TTN: variants seen among roughly 807,000 people sequenced by gnomAD.
TTN encodes the protein connectin.
TTN carries 1,525 observed loss-of-function variants against 3,223.0 expected under a neutral mutation model. The observed-to-expected ratio is 0.47, with a 90% confidence interval of 0.45 to 0.49. The LOEUF (loss-of-function observed/expected upper bound fraction) is 0.49, where lower values mean the gene tolerates loss of function less well. TTN is among the 20% of genes least tolerant of loss of function. The pLI, the probability that TTN is intolerant of heterozygous loss-of-function variation, is 0.00. For missense variants in TTN, 40,786 were observed against 43,424.0 expected (o/e 0.94, Z 5.40); for synonymous variants, 14,094 against 15,161.0 (o/e 0.93, Z 5.17).
Position 178,611,033 on chromosome 2 carries a change from C to A in TTN, c.51096G>T (p.Lys17032Asn), listed in dbSNP as rs777424760. 1.2e-6 allele frequency: 2 copies of A among 1,612,656 alleles called. No homozygotes were observed. Among genetic ancestry groups the A allele is most frequent in the Non-Finnish European group, 1.7e-6 (2 of 1,179,116 alleles). Residue 17032 changes from lysine (K) to asparagine (N), a missense_variant, in exon 270 of 363, where the codon AAG becomes AAT. Transcript: ENST00000589042. ...TGATTGAGGCTGTTGCTGAGCCGAGCTTATTCTCCAGTGTAATGGTATAAA... is the reference window on the plus strand; with the variant it reads ...TGATTGAGGCTGTTGCTGAGCCGAGATTATTCTCCAGTGTAATGGTATAAA... ...AGIYTITLEN[K>N]LGSATASINV...
At chr2:178,638,483 C>T (rs1365203746) in intron 223 of TTN, among the ~76,000 whole-genome samples, 1 of 150,520 alleles carries the variant, frequency 6.6e-6, no homozygotes, top group Non-Finnish European at 1.5e-5. Flanking sequence ...CTCTGTCAAA[C>T]TATTATGGAC....
In TTN at chr2:178,790,707, C is replaced by T. The variant is rs397517497; in HGVS notation, c.1800+1G>A. Reference sequence around the variant, plus strand: ...CTTTCACATTGGCAGGAAGTCATCACCTTTTCATAACTTAGGTGCATTTGA... The same window carrying T: ...CTTTCACATTGGCAGGAAGTCATCATCTTTTCATAACTTAGGTGCATTTGA... On this transcript the variant is annotated splice_donor_variant, in intron 11 of 362. Transcript: ENST00000589042. LOFTEE classifies it high-confidence loss of function. The T allele has an allele frequency of 2.1e-5, 34 of 1,614,086 alleles. No homozygotes were observed. The East Asian group carries it at 4.2e-4, about 20-fold the overall frequency.
Position 178,664,872 on chromosome 2 carries a change from CTTT to C in TTN, c.36095_36097del (p.Lys12032del). Reference sequence around the variant, plus strand: ...TGTACCTTTAACTGATGGGGGTTCTCTTTTTTTGGAAGGAACTGTCTTGGCAGG... The same window carrying C: ...TGTACCTTTAACTGATGGGGGTTCTCTTTTGGAAGGAACTGTCTTGGCAGG... On this transcript the variant is annotated inframe_deletion, in exon 166 of 363. Transcript: ENST00000589042. 3.7e-6 allele frequency: 6 copies of C among 1,611,328 alleles called. No individual in the cohort carries two copies. The highest frequency in any genetic ancestry group is 4.2e-6 in the Non-Finnish European group (5 of 1,179,490).
chr2:178,731,464 C>T lies in TTN; in HGVS notation c.17302G>A (p.Asp5768Asn), dbSNP rs576904726. 6.3e-5 allele frequency: 102 copies of T among 1,613,726 alleles called. No homozygotes were observed. The highest frequency in any genetic ancestry group is 1.3e-4 in the East Asian group (6 of 44,828). Reference sequence around the variant, plus strand: ...ATATTATCGTCTTCAGTGATTTCATCGCTGTCTTTTAGCCAAGTCACCGTA... The same window carrying T: ...ATATTATCGTCTTCAGTGATTTCATTGCTGTCTTTTAGCCAAGTCACCGTA... ...PITVTWLKDS[D>N]EITEDDNIRM... The change falls in exon 59 of 363, where the codon GAT (aspartate) becomes AAT (asparagine). Residue 5768 changes from aspartate (D) to asparagine (N), a missense_variant. Physicochemically the swap from Asp to Asn is conservative, Grantham distance 23 (BLOSUM62 1). Transcript: ENST00000589042.
chr2:178,530,296 GC>G lies in TTN; in HGVS notation c.106318del (p.Ala35440GlnfsTer38). ...TVSSDSVAKF[A>X]VKATGEPRPT... The stretch of plus-strand genomic sequence containing the variant: ...CCGGGGTTCTCCAGTAGCCTTAACT[GC>G]AAATTTAGCAACACTGTCTGAAGAA... On this transcript the variant is annotated frameshift_variant, in exon 358 of 363. Coordinates refer to ENST00000589042, the MANE Select transcript of TTN (RefSeq NM_001267550.2). LOFTEE classifies it high-confidence loss of function. The G allele has an allele frequency of 6.2e-7, 1 of 1,613,248 alleles. No homozygotes were observed. The highest frequency in any genetic ancestry group is 2.2e-5 in the East Asian group (1 of 44,862).
Position 178,582,313 on chromosome 2 carries a change from A to T in TTN, c.66143T>A (p.Ile22048Asn). The T allele has an allele frequency of 6.3e-7, 1 of 1,585,682 alleles. No individual in the cohort carries two copies. The highest frequency in any genetic ancestry group is 1.2e-5 in the South Asian group (1 of 85,900). ...GTTCCTACCATATGGGTTTTTGGCAATTGCTGGTTCAGTGAAGACTGGATC... is the reference window on the plus strand; with the variant it reads ...GTTCCTACCATATGGGTTTTTGGCATTTGCTGGTTCAGTGAAGACTGGATC... ...VGDPVFTEPA[I>N]AKNPYDPPGR... is the part of the protein sequence containing the mutation. Residue 22048 changes from isoleucine to asparagine, a missense_variant, in exon 314 of 363, where the codon ATT becomes AAT. Transcript: ENST00000589042.
intron 88 of TTN, 135 bp downstream of exon 88, chr2:178,716,960 C>T: frequency 1.0e-6 from 1 of 968,164 alleles, no homozygotes. Flanking sequence ...TTTGGAAGGT[C>T]CTTGATCCAC....
intron 113 of TTN, 103 bp downstream of exon 113, chr2:178,697,018 A>G: frequency 9.4e-7 from 1 of 1,067,418 alleles, no homozygotes; most frequent in Non-Finnish European, 1.4e-6. Flanking sequence ...AGGAGACTCC[A>G]CAACTTTCAA....
rs2057146853 is a variant in TTN at position 178,615,393 on chromosome 2, A to C, written c.48552T>G (p.Gly16184=). ...CAACTATATATCCTTTGATGCGTGA[A>C]CCACCATCATTTTTAGGTGGATCCC... The part of the protein sequence containing the change: ...LTWDPPKNDG[G]SRIKGYIVER... Residue 16184 remains glycine, a synonymous_variant, in exon 259 of 363, where the codon GGT becomes GGG. Transcript: ENST00000589042. 3 of 1,612,484 alleles carry C rather than the reference A, an allele frequency of 1.9e-6. No homozygotes were observed. The highest frequency in any genetic ancestry group is 1.3e-5 in the African/African-American group (1 of 74,774).
chr2:178,789,623 A>C, intron 12 of TTN, 126 bp from the exon 13 acceptor site: 1 of 1,293,444 alleles, frequency 7.7e-7, no homozygotes, highest in Non-Finnish European at 1.1e-6. Flanking sequence ...AGAGAAATAA[A>C]CTTTCACCGG....
Position 178,611,446 on chromosome 2 carries a change from ACT to A in TTN, c.50781_50782del (p.Arg16927SerfsTer14). On this transcript the variant is annotated frameshift_variant, in exon 269 of 363. Transcript: ENST00000589042. LOFTEE classifies it high-confidence loss of function. Reference sequence around the variant, plus strand: ...GACACCAATAGCATTGACTGCTCTCACTCTCAGGACATATTCTTTGTCAGGAA... The same window carrying A: ...GACACCAATAGCATTGACTGCTCTCACTCAGGACATATTCTTTGTCAGGAA... The A allele has an allele frequency of 1.2e-6, 2 of 1,612,854 alleles. No homozygotes were observed. The highest frequency in any genetic ancestry group is 1.7e-6 in the Non-Finnish European group (2 of 1,179,294).
chr2:178,639,798 G>A lies in TTN; in HGVS notation c.40787-10C>T, dbSNP rs778060283. On this transcript the variant is annotated splice_polypyrimidine_tract_variant and intron_variant, in intron 222 of 362. Transcript: ENST00000589042. ...TTGATTGTTTTCACTTCTGTAGAGA[G>A]AAGTCCATTGCATTAGTGTATCAAT... is the stretch of plus-strand genomic sequence containing the variant. 14 of 1,573,406 alleles carry A rather than the reference G, an allele frequency of 8.9e-6. No individual in the cohort carries two copies. The South Asian group carries it at 1.2e-4, about 13-fold the overall frequency.
chr2:178,694,567 T>A, intron 117 of TTN, 32 bp downstream of exon 117: 1 of 1,522,736 alleles, frequency 6.6e-7, no homozygotes, highest in Non-Finnish European at 8.9e-7. Flanking sequence ...AAAAAAATTT[T>A]GAACTTGTAG....
In TTN at chr2:178,590,701, C is replaced by T. The variant is rs1015533049; in HGVS notation, c.61024G>A (p.Glu20342Lys). 2 of 1,612,994 alleles carry T rather than the reference C, an allele frequency of 1.2e-6. No homozygotes were observed. Among genetic ancestry groups the T allele is most frequent in the African/African-American group, 1.3e-5 (1 of 74,878 alleles). The change falls in exon 304 of 363, where the codon GAG (glutamate) becomes AAG (lysine). Residue 20342 changes from glutamate to lysine, a missense_variant. Glu to Lys is a moderately conservative substitution (Grantham distance 56). Transcript: ENST00000589042. ...VTGLYEGNTY[E>K]FRVFAENLAG... is the part of the protein sequence containing the mutation. ...AGATTTTCAGCAAAAACTCTAAACT[C>T]ATATGTATTTCCTTCATAGAGTCCA...
Position 178,549,004 on chromosome 2 carries a change from C to T in TTN, c.92622G>A (p.Glu30874=). The change falls in exon 339 of 363, where the codon GAG becomes GAA. Residue 30874 remains glutamate, a synonymous_variant. Transcript: ENST00000589042. The part of the protein sequence containing the change: ...DLGDWHKVNA[E]ACVKTRYTVT... Reference sequence around the variant, plus strand: ...CTGTATATCTTGTTTTCACACATGCCTCTGCATTCACCTTGTGCCAGTCTC... The same window carrying T: ...CTGTATATCTTGTTTTCACACATGCTTCTGCATTCACCTTGTGCCAGTCTC... The T allele has an allele frequency of 6.2e-7, 1 of 1,613,898 alleles. No individual in the cohort carries two copies. The highest frequency in any genetic ancestry group is 8.5e-7 in the Non-Finnish European group (1 of 1,179,836).
In TTN at chr2:178,575,332, T is replaced by G; in HGVS notation, c.70800A>C (p.Glu23600Asp). The part of the protein sequence containing the change: ...CVVRNLTEGE[E>D]YTFQVMAVNS... ...TCACTGCCATCACTTGGAAGGTATA[T>G]TCCTCTCCTTCAGTTAGATTCCTCA... Residue 23600 changes from glutamate to aspartate, a missense_variant, in exon 326 of 363, where the codon GAA (glutamate) becomes GAC (aspartate). Physicochemically the swap from Glu to Asp is conservative, Grantham distance 45. Coordinates refer to ENST00000589042, the MANE Select transcript of TTN (RefSeq NM_001267550.2). This position sits in a 1 kb window ranked among gnomAD's most constrained non-coding sequence, Gnocchi z 4.0. The G allele has an allele frequency of 6.2e-7, 1 of 1,613,498 alleles. No homozygotes were observed. The highest frequency in any genetic ancestry group is 8.5e-7 in the Non-Finnish European group (1 of 1,179,632).
intron 349 of TTN, chr2:178,541,785 A>C: frequency 3.1e-6 from 1 of 317,980 alleles, no homozygotes; most frequent in Non-Finnish European, 5.2e-6. Context: ...TTTTATTAAA[A>C]ATTTTTGACT....
In TTN at chr2:178,617,164, T is replaced by A. The variant is rs1442512599; in HGVS notation, c.47831A>T (p.Asp15944Val). The A allele has an allele frequency of 6.2e-7, 1 of 1,605,032 alleles. No individual in the cohort carries two copies. The change falls in exon 255 of 363, where the codon GAT becomes GTT. Residue 15944 changes from aspartate (D) to valine (V), a missense_variant. Physicochemically the swap from Asp to Val is radical, Grantham distance 152. Coordinates refer to ENST00000589042, the MANE Select transcript of TTN (RefSeq NM_001267550.2). ...VSAENKAGVS[D>V]PSEILGPLTA... ...GAGAGGACCAAGAATTTCAGATGGA[T>A]CTGAAACACCAGCTTTATTTTCTGC...
At chr2:178,553,836 T>G (rs370524355) in intron 333 of TTN, 29 bp from the exon 334 acceptor site, 189 of 1,565,006 alleles carry the variant, frequency 1.2e-4, no homozygotes, top group Non-Finnish European at 1.5e-4. Flanking sequence ...ATAAAATAAT[T>G]ACACAATCAT....
Sources: gnomAD v4.1 joint callset for allele counts (sites outside exome capture counted in the v4.1 genomes callset) on GRCh38, gnomAD v4.1.1 for gene constraint, Gnocchi (gnomAD v3.1) non-coding constraint, MANE v1.5 for transcripts, NCBI Gene and HGNC (gene_info 2026-07-23, HGNC 2026-07-21) for gene names.